Variants in LIPC observed in about 807,000 individuals in gnomAD.
LIPC encodes hepatic triacylglycerol lipase.
Under a neutral mutation model 50.7 loss-of-function variants are expected in LIPC, and 44 were observed. The ratio of observed to expected loss-of-function variants is 0.87; its 90% CI spans 0.68 to 1.11. LIPC has a LOEUF of 1.11. Among genes scored for constraint, LIPC ranks in the 50% most tolerant of loss-of-function variants. The probability of loss-of-function intolerance (pLI) is 0.00; values close to 1 mark genes in which losing one functional copy is unlikely to be tolerated. For missense variants in LIPC, 697 were observed against 648.2 expected (o/e 1.08, Z -0.82); for synonymous variants, 271 against 256.4 (o/e 1.06, Z -0.54).
intron 2 of LIPC, among the ~76,000 whole-genome samples, chr15:58,538,782 G>C (rs771305058): frequency 6.6e-6 from 1 of 152,110 alleles, no homozygotes; most frequent in Non-Finnish European, 1.5e-5. Flanking sequence ...CAGCCCATTG[G>C]GGCCCACAAG....
intron 1 of LIPC, among the ~76,000 whole-genome samples, chr15:58,502,787 A>C (rs1231109766): frequency 6.6e-6 from 1 of 152,176 alleles, no homozygotes; most frequent in African/African-American, 2.4e-5. Context: ...TCCTTCACTT[A>C]CACAGTCAAA....
chr15:58,556,600 T>A (rs929687754), intron 6 of LIPC, among the ~76,000 whole-genome samples: 6 of 152,254 alleles, frequency 3.9e-5, no homozygotes, highest in Non-Finnish European at 7.3e-5. Context: ...TTTGCAGAGT[T>A]GGTCTCATAC....
intron 1 of LIPC, among the ~76,000 whole-genome samples, chr15:58,462,523 A>T (rs1894390077): frequency 1.3e-5 from 2 of 152,136 alleles, no homozygotes; most frequent in African/African-American, 4.8e-5. Context: ...TCACACATAC[A>T]TTCTTTCTTT....
At chr15:58,469,834 C>T (rs781154772) in intron 1 of LIPC, among the ~76,000 whole-genome samples, 3 of 152,148 alleles carry the variant, frequency 2.0e-5, no homozygotes, top group Non-Finnish European at 2.9e-5. Flanking sequence ...AGGACCTCCC[C>T]GCGGCAGCAC....
At chr15:58,494,489 T>C (rs1891698968) in intron 1 of LIPC, among the ~76,000 whole-genome samples, 1 of 152,150 alleles carries the variant, frequency 6.6e-6, no homozygotes, top group Non-Finnish European at 1.5e-5. Context: ...AATAATAGAC[T>C]CGTCAGGGCT....
In LIPC at chr15:58,565,149, C is replaced by G. The variant is rs1894317918; in HGVS notation, c.1388+1426C>G. 2.6e-6 allele frequency: 4 copies of G among 1,516,384 alleles called. No homozygotes were observed. The South Asian group carries it at 4.8e-5, about 18-fold the overall frequency. 93.9% of individuals were successfully genotyped at this position (1,516,384 alleles called of 1,614,324 possible). On this transcript the variant is annotated intron_variant, in intron 8 of 8. Transcript: ENST00000299022. ...CTGGGATGCAAAATCCTGGCAATTACTGAGAGCATACTCTGCCGTCTGCCA... is the reference window on the plus strand; with the variant it reads ...CTGGGATGCAAAATCCTGGCAATTAGTGAGAGCATACTCTGCCGTCTGCCA...
chr15:58,538,066 G>A (rs1179019319), intron 1 of LIPC, among the ~76,000 whole-genome samples: 1 of 152,156 alleles, frequency 6.6e-6, no homozygotes, highest in Non-Finnish European at 1.5e-5. Flanking sequence ...TTATGACCTA[G>A]AGGGTGACTC....
rs189787885 is a variant in LIPC, at chr15:58,507,048, A to G, written c.89-31285A>G. Among the ~76,000 whole-genome samples the G allele has an allele frequency of 2.8e-3, 428 of 152,258 alleles. 5 individuals are homozygous for G. Among genetic ancestry groups the G allele is most frequent in the Admixed American group, 8.7e-3 (133 of 15,298 alleles). ...GTGAGAACTCACTGTCACAAGAACA[A>G]GCTGGGGGAAACCACTCCCATGATT... On this transcript the variant is annotated intron_variant, in intron 1 of 8. Coordinates refer to ENST00000299022, the MANE Select transcript of LIPC (RefSeq NM_000236.3).
intron 1 of LIPC, among the ~76,000 whole-genome samples, chr15:58,528,022 C>G (rs577394306): frequency 6.6e-6 from 1 of 152,122 alleles, no homozygotes; most frequent in Admixed American, 6.5e-5. Flanking sequence ...TGCCTGTAAT[C>G]CCAGCTACTC....
At chr15:58,494,812 T>C (rs1251924654) in intron 1 of LIPC, 2 of 456,304 alleles carry the variant, frequency 4.4e-6, no homozygotes, top group Non-Finnish European at 8.8e-6. Flanking sequence ...TGCTAGTTCT[T>C]GCTTGGAAAT....
At chr15:58,492,087 G>T (rs558783496) in intron 1 of LIPC, among the ~76,000 whole-genome samples, 2 of 152,286 alleles carry the variant, frequency 1.3e-5, no homozygotes, top group South Asian at 4.1e-4. Flanking sequence ...CAAGAACAGA[G>T]GTGCCACCCA....
At chr15:58,565,975 A>G (rs1294270390) in intron 8 of LIPC, 1 of 984,796 alleles carries the variant, frequency 1.0e-6, no homozygotes, top group African/African-American at 1.8e-5. Flanking sequence ...GGACCTAACC[A>G]GGAAAATAAG....
intron 1 of LIPC, among the ~76,000 whole-genome samples, chr15:58,452,610 C>A (rs1311582444): frequency 1.3e-5 from 2 of 152,320 alleles, no homozygotes; most frequent in East Asian, 3.9e-4. Context: ...TCTGATTTGA[C>A]ATTCTTCCCT....
At chr15:58,443,532 G>A (rs1223507841) in intron 1 of LIPC, among the ~76,000 whole-genome samples, 2 of 152,182 alleles carry the variant, frequency 1.3e-5, no homozygotes, top group African/African-American at 2.4e-5. Flanking sequence ...GGGATATTTC[G>A]AAAGAGCTGA....
intron 1 of LIPC, among the ~76,000 whole-genome samples, chr15:58,520,191 T>C (rs558458426): frequency 6.6e-6 from 1 of 150,432 alleles, no homozygotes; most frequent in Non-Finnish European, 1.5e-5. Context: ...GTGTCAGCCA[T>C]GGAAACCTTC....
intron 1 of LIPC, among the ~76,000 whole-genome samples, chr15:58,442,542 C>A (rs1893543111): frequency 6.6e-6 from 1 of 152,214 alleles, no homozygotes; most frequent in African/African-American, 2.4e-5. Flanking sequence ...AAAACTCTTA[C>A]ATTTCTTGAA....
At chr15:58,513,919 C>A (rs917313786) in intron 1 of LIPC, among the ~76,000 whole-genome samples, 3 of 152,200 alleles carry the variant, frequency 2.0e-5, no homozygotes, top group Non-Finnish European at 4.4e-5. Flanking sequence ...AACATCTCCC[C>A]AGCCTTTGCC....
intron 6 of LIPC, among the ~76,000 whole-genome samples, chr15:58,551,451 T>G (rs184781985): frequency 6.6e-6 from 1 of 152,362 alleles, no homozygotes; most frequent in East Asian, 1.9e-4. Context: ...AAATTCAGTT[T>G]GTCAGTTACA....
intron 8 of LIPC, among the ~76,000 whole-genome samples, chr15:58,564,549 G>A (rs967241491): frequency 1.3e-5 from 2 of 151,258 alleles, no homozygotes; most frequent in African/African-American, 2.4e-5. Context: ...CCGACATGGT[G>A]AAATCCCGTC....
Sources: gnomAD v4.1 joint callset for allele counts (sites outside exome capture counted in the v4.1 genomes callset) on GRCh38, gnomAD v4.1.1 for gene constraint, MANE v1.5 for transcripts, NCBI Gene and HGNC (gene_info 2026-07-23, HGNC 2026-07-21) for gene names.